The following NR2F1-AS1 variants were observed in gnomAD, a reference collection of about 807,000 sequenced individuals.
NR2F1-AS1 encodes the protein NR2F1 antisense RNA 1.
intron 4 of NR2F1-AS1, among the ~76,000 whole-genome samples, chr5:93,471,975 G>A (rs974146579): frequency 2.0e-5 from 3 of 151,774 alleles, no homozygotes; most frequent in Non-Finnish European, 3.0e-5. Flanking sequence ...TTCATTTATT[G>A]AGTATGTAAC....
chr5:93,546,157 A>G (rs1752080750), intron 4 of NR2F1-AS1, among the ~76,000 whole-genome samples: 1 of 152,206 alleles, frequency 6.6e-6, no homozygotes, highest in Admixed American at 6.5e-5. Flanking sequence ...GAAGGTTTGT[A>G]AGGTATCTAG....
At chr5:93,454,767 A>G (rs1749910676) in intron 4 of NR2F1-AS1, among the ~76,000 whole-genome samples, 1 of 152,164 alleles carries the variant, frequency 6.6e-6, no homozygotes, top group Non-Finnish European at 1.5e-5. Flanking sequence ...TCATGCCTAC[A>G]TGATGAAACC....
At chr5:93,490,040 C>T (rs1750803404) in intron 4 of NR2F1-AS1, among the ~76,000 whole-genome samples, 2 of 152,102 alleles carry the variant, frequency 1.3e-5, no homozygotes, top group East Asian at 1.9e-4. Flanking sequence ...CAGAACTGGC[C>T]CTTCCACCAC....
At chr5:93,460,839 G>A (rs933402014) in intron 4 of NR2F1-AS1, among the ~76,000 whole-genome samples, 2 of 152,194 alleles carry the variant, frequency 1.3e-5, no homozygotes, top group Non-Finnish European at 2.9e-5. Context: ...AACAACACAT[G>A]CTGGTGAGGT....
chr5:93,459,494 C>T (rs1364692970), intron 4 of NR2F1-AS1, among the ~76,000 whole-genome samples: 1 of 152,026 alleles, frequency 6.6e-6, no homozygotes, highest in East Asian at 1.9e-4. Context: ...GCATATACAA[C>T]CATTAATAAA....
At chr5:93,511,674 AGGAACTGGGCC>A (rs1325875461) in intron 4 of NR2F1-AS1, among the ~76,000 whole-genome samples, 1 of 152,176 alleles carries the variant, frequency 6.6e-6, no homozygotes, top group Non-Finnish European at 1.5e-5. Flanking sequence ...GTCACCTGTT[AGGAACTGGGCC>A]GCAAAGCAGG....
intron 1 of NR2F1-AS1, among the ~76,000 whole-genome samples, chr5:93,577,797 A>T (rs1028585086): frequency 6.6e-6 from 1 of 152,200 alleles, no homozygotes; most frequent in Non-Finnish European, 1.5e-5. Flanking sequence ...GATTGCAGGC[A>T]TGTTCATCTC....
At chr5:93,547,550 G>T (rs1229471539) in intron 4 of NR2F1-AS1, among the ~76,000 whole-genome samples, 1 of 152,064 alleles carries the variant, frequency 6.6e-6, no homozygotes, top group Non-Finnish European at 1.5e-5. Flanking sequence ...CAGCAAGGAG[G>T]CCTAGAATAA....
upstream of NR2F1-AS1, chr5:93,581,126 A>T (rs1753018456): frequency 6.6e-6 from 1 of 152,254 alleles, no homozygotes; most frequent in Admixed American, 6.5e-5. Context: ...AACGAGTATT[A>T]AAAAACAAAC....
intron 4 of NR2F1-AS1, among the ~76,000 whole-genome samples, chr5:93,503,609 T>G (rs535798576): frequency 6.6e-6 from 1 of 152,314 alleles, no homozygotes; most frequent in South Asian, 2.1e-4. Context: ...CAACGTGGTT[T>G]AAACTAAACA....
At chr5:93,486,517 A>G (rs1254272111) in intron 4 of NR2F1-AS1, among the ~76,000 whole-genome samples, 1 of 152,100 alleles carries the variant, frequency 6.6e-6, no homozygotes, top group African/African-American at 2.4e-5. Context: ...ATTCCTCGAC[A>G]CATACACCCT....
intron 4 of NR2F1-AS1, among the ~76,000 whole-genome samples, chr5:93,435,411 G>GA (rs1749412699): frequency 6.6e-6 from 1 of 152,066 alleles, no homozygotes. Flanking sequence ...TTTGTTTTCT[G>GA]ATTTATTTCC....
At chr5:93,417,129 A>G (rs1378072518) in intron 4 of NR2F1-AS1, among the ~76,000 whole-genome samples, 1 of 152,172 alleles carries the variant, frequency 6.6e-6, no homozygotes, top group African/African-American at 2.4e-5. Flanking sequence ...AAAGTGCTAG[A>G]GAAATCTGCT....
intron 1 of NR2F1-AS1, among the ~76,000 whole-genome samples, chr5:93,564,773 C>T (rs190050379): frequency 5.8e-4 from 88 of 152,262 alleles, no homozygotes; most frequent in Non-Finnish European, 1.0e-3. Flanking sequence ...TCCTATTTTC[C>T]TGGTATTTAA....
At chr5:93,523,159 G>A (rs1026451811) in intron 4 of NR2F1-AS1, among the ~76,000 whole-genome samples, 4 of 152,106 alleles carry the variant, frequency 2.6e-5, no homozygotes, top group African/African-American at 7.2e-5. Flanking sequence ...TGAGCTTGGT[G>A]GGGGGAGGGG....
intron 4 of NR2F1-AS1, among the ~76,000 whole-genome samples, chr5:93,437,299 GA>G (rs1171369641): frequency 6.6e-6 from 1 of 151,960 alleles, no homozygotes; most frequent in African/African-American, 2.4e-5. Context: ...GATTTAGCAT[GA>G]AAAAAATGTA....
chr5:93,572,658 A>C (rs1037302336), intron 1 of NR2F1-AS1, among the ~76,000 whole-genome samples: 7 of 151,728 alleles, frequency 4.6e-5, no homozygotes, highest in Admixed American at 2.0e-4. Flanking sequence ...GTTATTCCAG[A>C]CTCCAGATCC....
At chr5:93,460,662 GCCAC>G (rs1286266712) in intron 4 of NR2F1-AS1, among the ~76,000 whole-genome samples, 1 of 151,900 alleles carries the variant, frequency 6.6e-6, no homozygotes, top group Admixed American at 6.6e-5. Context: ...TAAAATTTCA[GCCAC>G]CCAAAGGACA....
chr5:93,498,162 A>G (rs1218839476), intron 4 of NR2F1-AS1, among the ~76,000 whole-genome samples: 1 of 152,058 alleles, frequency 6.6e-6, no homozygotes, highest in Non-Finnish European at 1.5e-5. Context: ...AGTCCCTACA[A>G]AAGAAATAAT....
Sources: gnomAD v4.1 joint callset for allele counts (sites outside exome capture counted in the v4.1 genomes callset) on GRCh38, gnomAD v4.1.1 for gene constraint, MANE v1.5 for transcripts, NCBI Gene and HGNC (gene_info 2026-07-23, HGNC 2026-07-21) for gene names.